The following PTPRD variants were observed in gnomAD, a reference collection of about 807,000 sequenced individuals.
PTPRD encodes protein tyrosine phosphatase receptor type D, also known as receptor-type tyrosine-protein phosphatase delta.
PTPRD carries 34 observed loss-of-function variants against 214.5 expected under a neutral mutation model. The ratio of observed to expected loss-of-function variants is 0.16; its 90% CI spans 0.12 to 0.21. The LOEUF (loss-of-function observed/expected upper bound fraction) is 0.21. Among genes scored for constraint, PTPRD ranks in the 10% least tolerant of loss-of-function variants. The pLI is 1.00. For synonymous variants in PTPRD, 1,128 were observed against 845.7 expected (o/e 1.33, Z -5.79); for missense variants, 2,545 against 2,398.7 (o/e 1.06, Z -1.27).
chr9:10,279,066 G>A (rs138706785), intron 3 of PTPRD, among the ~76,000 whole-genome samples: 245 of 152,230 alleles, frequency 1.6e-3, no homozygotes, highest in African/African-American at 5.0e-3. Context: ...GAGCCACCGC[G>A]CCTGGCCCCA....
At chr9:10,405,231 G>T (rs1190556652) in intron 2 of PTPRD, among the ~76,000 whole-genome samples, 2 of 151,644 alleles carry the variant, frequency 1.3e-5, no homozygotes, top group African/African-American at 2.4e-5. Flanking sequence ...TTAATAGAGA[G>T]AATTTTGCAG....
chr9:8,711,684 G>A (rs568158060), intron 12 of PTPRD, among the ~76,000 whole-genome samples: 2 of 152,278 alleles, frequency 1.3e-5, no homozygotes, highest in East Asian at 3.9e-4. Context: ...TGATTAGGTT[G>A]GTTGGGAGGT....
intron 12 of PTPRD, among the ~76,000 whole-genome samples, chr9:8,659,236 CTTCAAGTGA>C (rs2096980014): frequency 6.6e-6 from 1 of 152,200 alleles, no homozygotes; most frequent in Non-Finnish European, 1.5e-5. Flanking sequence ...AAATGAATTT[CTTCAAGTGA>C]ATGCTGAGAC....
At chr9:9,554,272 T>C (rs1404935526) in intron 8 of PTPRD, among the ~76,000 whole-genome samples, 1 of 152,108 alleles carries the variant, frequency 6.6e-6, no homozygotes, top group Non-Finnish European at 1.5e-5. Flanking sequence ...AGAATGTCCA[T>C]TCAAATGAGA....
chr9:10,008,315 CT>C (rs1434170261), intron 4 of PTPRD, among the ~76,000 whole-genome samples: 1 of 151,906 alleles, frequency 6.6e-6, no homozygotes, highest in Non-Finnish European at 1.5e-5. Flanking sequence ...ATTCCCCTCC[CT>C]TTTTGTGTTT....
At chr9:9,512,605 T>A (rs1478850994) in intron 8 of PTPRD, among the ~76,000 whole-genome samples, 1 of 151,876 alleles carries the variant, frequency 6.6e-6, no homozygotes, top group Non-Finnish European at 1.5e-5. Flanking sequence ...TTGGAAAATG[T>A]ATACAATGAC....
At chr9:9,733,618 C>A (rs930699449) in intron 7 of PTPRD, among the ~76,000 whole-genome samples, 5 of 152,098 alleles carry the variant, frequency 3.3e-5, no homozygotes, top group African/African-American at 4.8e-5. Flanking sequence ...CACTCCCATC[C>A]AGCAATACCC....
rs2139076409 is a variant in PTPRD, at chr9:8,523,522, G to A, written c.682C>T (p.Leu228=). The change falls in exon 19 of 46, where the codon CTG becomes TTG. Residue 228 remains leucine (L), a splice_region_variant and synonymous_variant. Coordinates refer to ENST00000381196, the MANE Select transcript of PTPRD (RefSeq NM_002839.4). ...SAPANLYVRE[L]REVRRVPPRF... ...TAAAAAACACACCAACCTTCTCGCA[G>A]CTCTGAGGGATGTAGGGGGTTTGAT... 1.2e-6 allele frequency: 2 copies of A among 1,613,220 alleles called. No individual in the cohort carries two copies. The highest frequency in any genetic ancestry group is 1.7e-6 in the Non-Finnish European group (2 of 1,179,484).
At chr9:8,849,713 G>C (rs2097775619) in intron 11 of PTPRD, among the ~76,000 whole-genome samples, 1 of 152,182 alleles carries the variant, frequency 6.6e-6, no homozygotes, top group Non-Finnish European at 1.5e-5. Context: ...AATGACTGCA[G>C]GGAATGTGAT....
At chr9:8,598,647 C>T (rs749576196) in intron 14 of PTPRD, among the ~76,000 whole-genome samples, 9 of 152,026 alleles carry the variant, frequency 5.9e-5, no homozygotes, top group Non-Finnish European at 1.0e-4. Flanking sequence ...CAATTATTTC[C>T]AAAAACCAAT....
chr9:9,927,774 T>C (rs2084862895), intron 5 of PTPRD, among the ~76,000 whole-genome samples: 1 of 152,170 alleles, frequency 6.6e-6, no homozygotes, highest in African/African-American at 2.4e-5. Context: ...CCTCTTTCTT[T>C]AGTCATTGAG....
At chr9:9,030,150 A>G (rs975757340) in intron 10 of PTPRD, among the ~76,000 whole-genome samples, 4 of 151,900 alleles carry the variant, frequency 2.6e-5, no homozygotes, top group Admixed American at 2.6e-4. Context: ...GATGTAGATG[A>G]CATTTTATTA....
chr9:9,889,928 G>C (rs2072633687), intron 5 of PTPRD, among the ~76,000 whole-genome samples: 1 of 151,944 alleles, frequency 6.6e-6, no homozygotes, highest in Non-Finnish European at 1.5e-5. Context: ...GCACTTTCCT[G>C]AAGAACGGCA....
chr9:10,210,492 T>G (rs1324260715), intron 3 of PTPRD, among the ~76,000 whole-genome samples: 1 of 152,012 alleles, frequency 6.6e-6, no homozygotes, highest in Non-Finnish European at 1.5e-5. Context: ...TTTGTAGCTC[T>G]TGGGGTATGG....
At chr9:8,653,523 C>A (rs2096853596) in intron 12 of PTPRD, among the ~76,000 whole-genome samples, 1 of 152,166 alleles carries the variant, frequency 6.6e-6, no homozygotes, top group Non-Finnish European at 1.5e-5. Context: ...CACACAGTTC[C>A]TTTCCCTTAA....
chr9:9,321,903 C>G (rs1323207222), intron 9 of PTPRD, among the ~76,000 whole-genome samples: 1 of 152,144 alleles, frequency 6.6e-6, no homozygotes, highest in East Asian at 1.9e-4. Flanking sequence ...ACCTAATTAA[C>G]TTGATTTTGA....
At chr9:9,790,781 TTGTAA>T (rs1233022283) in intron 5 of PTPRD, among the ~76,000 whole-genome samples, 1 of 152,170 alleles carries the variant, frequency 6.6e-6, no homozygotes, top group Non-Finnish European at 1.5e-5. Context: ...TCTTCAAAAC[TTGTAA>T]TGTGTTTCAG....
intron 3 of PTPRD, among the ~76,000 whole-genome samples, chr9:10,303,607 A>T (rs1016386663): frequency 2.0e-5 from 3 of 152,194 alleles, no homozygotes; most frequent in African/African-American, 7.2e-5. Context: ...CAGTAATACA[A>T]ACTACCATCA....
Position 9,721,523 on chromosome 9 carries a change from A to T in PTPRD, c.-287+13010T>A, listed in dbSNP as rs552841153. On this transcript the variant is annotated intron_variant, in intron 7 of 45. Coordinates refer to ENST00000381196, the MANE Select transcript of PTPRD (RefSeq NM_002839.4). ...ACCTATTTTCCACTATGAGAACAGG[A>T]TTTTTTACTTTAATTCCTTAGACAT... 4.6e-5 allele frequency among the ~76,000 whole-genome samples: 7 copies of T among 152,202 alleles called. No homozygotes were observed. The South Asian group carries it at 1.4e-3, about 32-fold the overall frequency.
Sources: allele counts gnomAD v4.1 joint callset (sites outside exome capture counted in the v4.1 genomes callset), GRCh38; gene constraint gnomAD v4.1.1; transcripts MANE v1.5; gene names NCBI Gene and HGNC (gene_info 2026-07-23, HGNC 2026-07-21).